ATP5F1C: variants seen among roughly 807,000 people sequenced by gnomAD.
ATP5F1C encodes ATP synthase F(1) complex subunit gamma, mitochondrial.
Under a neutral mutation model 37.4 loss-of-function variants are expected in ATP5F1C, and 22 were observed. The observed-to-expected ratio is 0.59, with a 90% CI of 0.42 to 0.84. ATP5F1C has a LOEUF of 0.84. Ranked by LOEUF, ATP5F1C falls within the 40% of genes least tolerant of loss-of-function variation. The probability of loss-of-function intolerance (pLI) is 0.00; values close to 1 mark genes in which losing one functional copy is unlikely to be tolerated. For synonymous variants in ATP5F1C, 121 were observed against 128.0 expected (o/e 0.95, Z 0.37); for missense variants, 286 against 362.4 (o/e 0.79, Z 1.71).
intron 1 of ATP5F1C, among the ~76,000 whole-genome samples, chr10:7,795,879 T>C (rs895700016): frequency 3.9e-5 from 6 of 152,156 alleles, no homozygotes; most frequent in African/African-American, 1.2e-4. Context: ...TAGAGCATGT[T>C]GACTTCTGGG....
intron 8 of ATP5F1C, among the ~76,000 whole-genome samples, chr10:7,803,422 G>T (rs1430530792): frequency 6.6e-6 from 1 of 152,098 alleles, no homozygotes; most frequent in East Asian, 1.9e-4. Context: ...TATAAAAAAT[G>T]CACATCCTCT....
chr10:7,804,994 G>A (rs532381828), intron 8 of ATP5F1C, among the ~76,000 whole-genome samples: 100 of 152,218 alleles, frequency 6.6e-4, no homozygotes, highest in Non-Finnish European at 1.2e-3. Flanking sequence ...TAAGTTGTTA[G>A]TTGGATCCAT....
chr10:7,788,349 G>A, intron 1 of ATP5F1C, 86 bp downstream of exon 1: 2 of 1,541,676 alleles, frequency 1.3e-6, no homozygotes, highest in East Asian at 2.3e-5. Flanking sequence ...TGGGCGCGGG[G>A]GCAGATGTGG....
chr10:7,798,898 T>C (rs1836293843), intron 3 of ATP5F1C, 92 bp from the exon 4 acceptor site: 9 of 1,256,678 alleles, frequency 7.2e-6, no homozygotes, highest in Non-Finnish European at 1.0e-5. Flanking sequence ...TAAATGCGTA[T>C]TTTGGAAATA....
rs1588500054 is a variant in ATP5F1C, at chr10:7,799,012, C to T, written c.246C>T (p.Ile82=). The part of the protein sequence containing the change: ...GSLALYEKAD[I]KGPEDKKKHL... Reference sequence around the variant, plus strand: ...AAGCTCTGTATGAAAAAGCTGATATCAAGGGGCCTGAAGACAAGAAGAAAC... The same window carrying T: ...AAGCTCTGTATGAAAAAGCTGATATTAAGGGGCCTGAAGACAAGAAGAAAC... Residue 82 remains isoleucine (I), a synonymous_variant, in exon 4 of 10, where the codon ATC becomes ATT. Coordinates refer to ENST00000356708, the MANE Select transcript of ATP5F1C (RefSeq NM_001001973.3). 1.2e-6 allele frequency: 2 copies of T among 1,612,138 alleles called. No homozygotes were observed. The highest frequency in any genetic ancestry group is 1.7e-6 in the Non-Finnish European group (2 of 1,179,846).
chr10:7,796,229 T>C, intron 2 of ATP5F1C, 74 bp downstream of exon 2: 3 of 1,317,076 alleles, frequency 2.3e-6, no homozygotes, highest in Non-Finnish European at 3.2e-6. Context: ...CTTTCAAAAA[T>C]ATACTGCTTT....
At chr10:7,804,399 C>A (rs1836433948) in intron 8 of ATP5F1C, among the ~76,000 whole-genome samples, 2 of 152,210 alleles carry the variant, frequency 1.3e-5, no homozygotes, top group Non-Finnish European at 2.9e-5. Flanking sequence ...CCTCAGCCAC[C>A]TTGATCTACT....
rs528085263 is a variant in ATP5F1C, at chr10:7,788,337, G to T, written c.56+74G>T. ...CTTGGGCACGGGGCAGGGAGGAGGA[G>T]ATGGGCGCGGGGGCAGATGTGGGGT... On this transcript the variant is annotated intron_variant, in intron 1 of 9. Coordinates refer to ENST00000356708, the MANE Select transcript of ATP5F1C (RefSeq NM_001001973.3). 917 of 1,574,182 alleles carry T rather than the reference G, an allele frequency of 5.8e-4. 2 individuals carry two copies. Among genetic ancestry groups the T allele is most frequent in the Non-Finnish European group, 7.8e-4 (901 of 1,158,186 alleles).
intron 9 of ATP5F1C, 30 bp from the exon 10 acceptor site, chr10:7,807,629 T>G (rs773358121): frequency 1.9e-6 from 3 of 1,596,386 alleles, no homozygotes; most frequent in Non-Finnish European, 2.6e-6. Context: ...GCTGTTTGAT[T>G]TCTTACTTGT....
intron 1 of ATP5F1C, 94 bp downstream of exon 1, chr10:7,788,357 T>C (rs1836088729): frequency 6.6e-7 from 1 of 1,504,752 alleles, no homozygotes; most frequent in Non-Finnish European, 9.0e-7. Flanking sequence ...GGGGCAGATG[T>C]GGGGTCGCAG....
chr10:7,807,323 G>A (rs1198470122), intron 9 of ATP5F1C, among the ~76,000 whole-genome samples: 1 of 152,180 alleles, frequency 6.6e-6, no homozygotes, highest in East Asian at 1.9e-4. Flanking sequence ...ACCCCTTAAT[G>A]TCTGATTCAT....
At chr10:7,795,027 G>A (rs1027661885) in intron 1 of ATP5F1C, among the ~76,000 whole-genome samples, 2 of 152,072 alleles carry the variant, frequency 1.3e-5, no homozygotes, top group Middle Eastern at 3.2e-3. Flanking sequence ...CTCATTTTAC[G>A]CTTGTCACTG....
chr10:7,807,001 C>CCT lies in ATP5F1C; in HGVS notation c.*21_*22insCT. The CCT allele has an allele frequency of 1.9e-6, 3 of 1,611,802 alleles. No homozygotes were observed. The highest frequency in any genetic ancestry group is 1.7e-4 in the Middle Eastern group (1 of 6,054). On this transcript the variant is annotated 3_prime_UTR_variant, in exon 9 of 10. Coordinates refer to ENST00000356708, the MANE Select transcript of ATP5F1C (RefSeq NM_001001973.3). ...ATTAATGAAAATCAAGTTCCATCCT[C>CCT]AGACAAGAGGTAAAGTTCACACATT...
At chr10:7,794,250 T>C (rs1836203528) in intron 1 of ATP5F1C, among the ~76,000 whole-genome samples, 1 of 152,242 alleles carries the variant, frequency 6.6e-6, no homozygotes, top group Non-Finnish European at 1.5e-5. Flanking sequence ...TAAATGCTTA[T>C]TGGTTCTAGG....
chr10:7,795,942 T>C (rs1244417), intron 1 of ATP5F1C, among the ~76,000 whole-genome samples, 179 bp from the exon 2 acceptor site: 145,347 of 152,262 alleles, frequency 0.95, 69,765 homozygotes, highest in East Asian at 1. Flanking sequence ...TACAGGGATT[T>C]GCGCCACTAC....
chr10:7,788,697 G>A (rs1425168075), intron 1 of ATP5F1C, among the ~76,000 whole-genome samples: 3 of 152,128 alleles, frequency 2.0e-5, no homozygotes, highest in Admixed American at 1.3e-4. Context: ...TGTCCTTGAC[G>A]CCCTTTGAAA....
intron 7 of ATP5F1C, 69 bp from the exon 8 acceptor site, chr10:7,802,689 G>T (rs1836393501): frequency 7.4e-6 from 11 of 1,485,196 alleles, no homozygotes; most frequent in Non-Finnish European, 1.0e-5. Context: ...TTAAGCAACA[G>T]AAGTTAGTTA....
chr10:7,797,048 C>T lies in ATP5F1C; in HGVS notation c.93C>T (p.Ile31=), dbSNP rs1836252322. 2 of 1,613,600 alleles carry T rather than the reference C, an allele frequency of 1.2e-6. No individual in the cohort carries two copies. The highest frequency in any genetic ancestry group is 1.7e-6 in the Non-Finnish European group (2 of 1,179,836). Residue 31 remains isoleucine, a splice_region_variant and synonymous_variant, in exon 3 of 10, where the codon ATC becomes ATT. Transcript: ENST00000356708. The stretch of plus-strand genomic sequence containing the variant: ...TAACACAGTACTTCTATTTTTCAGT[C>T]ACCAGGAGACTAAAGTCCATCAAAA... ...QVRNMATLKD[I]TRRLKSIKNI...
intron 1 of ATP5F1C, among the ~76,000 whole-genome samples, chr10:7,791,606 C>T (rs757381140): frequency 1.4e-4 from 21 of 152,168 alleles, no homozygotes; most frequent in Non-Finnish European, 2.4e-4. Context: ...TGGTAATCCA[C>T]GGTCCATTTG....
Sources: gnomAD v4.1 joint callset for allele counts (sites outside exome capture counted in the v4.1 genomes callset) on GRCh38, gnomAD v4.1.1 for gene constraint, MANE v1.5 for transcripts, NCBI Gene and HGNC (gene_info 2026-07-23, HGNC 2026-07-21) for gene names.